Variants in FHIT observed in about 807,000 individuals in gnomAD.
The protein encoded by FHIT is fragile histidine triad diadenosine triphosphatase.
FHIT carries 19 observed loss-of-function variants against 17.9 expected under a neutral mutation model. The ratio of observed to expected loss-of-function variants is 1.06; its 90% confidence interval spans 0.74 to 1.56. FHIT has a LOEUF of 1.56. FHIT is among the 40% of genes most tolerant of loss of function. FHIT has a pLI of 0.00. For synonymous variants in FHIT, 81 were observed against 69.7 expected, an observed-to-expected ratio of 1.16 and a Z score of -0.81; for missense variants, 248 against 189.2, an observed-to-expected ratio of 1.31 and a Z score of -1.82.
At chr3:60,606,831 T>C (rs1331770091) in intron 4 of FHIT, among the ~76,000 whole-genome samples, 1 of 152,190 alleles carries the variant, frequency 6.6e-6, no homozygotes, top group Non-Finnish European at 1.5e-5. Context: ...TTCCTGTTTC[T>C]AAGCCTAGTC....
chr3:60,411,637 G>T (rs1268302338), intron 5 of FHIT, among the ~76,000 whole-genome samples: 1 of 152,082 alleles, frequency 6.6e-6, no homozygotes, highest in African/African-American at 2.4e-5. Flanking sequence ...GAGGATGTTG[G>T]TCTATTTTGT....
intron 7 of FHIT, among the ~76,000 whole-genome samples, chr3:59,943,601 G>A (rs931447055): frequency 6.6e-6 from 1 of 152,016 alleles, no homozygotes; most frequent in Non-Finnish European, 1.5e-5. Flanking sequence ...TCTGTAAAAG[G>A]CACCAATATT....
chr3:59,980,903 A>G (rs1378824223), intron 7 of FHIT, among the ~76,000 whole-genome samples: 1 of 152,184 alleles, frequency 6.6e-6, no homozygotes, highest in African/African-American at 2.4e-5. Context: ...ATAATTTACA[A>G]TGTGTCCTAA....
chr3:60,935,298 A>T (rs1708140379), intron 3 of FHIT, among the ~76,000 whole-genome samples: 1 of 152,214 alleles, frequency 6.6e-6, no homozygotes, highest in Non-Finnish European at 1.5e-5. Context: ...ATTCCCTAGC[A>T]CTGTGATAAC....
At chr3:61,208,973 T>C (rs2039354273) in intron 1 of FHIT, among the ~76,000 whole-genome samples, 1 of 152,036 alleles carries the variant, frequency 6.6e-6, no homozygotes, top group Admixed American at 6.6e-5. Context: ...CCTTTCCATG[T>C]TTAGTGCTTC....
chr3:60,987,735 A>C (rs1406848379), intron 3 of FHIT, among the ~76,000 whole-genome samples: 1 of 152,194 alleles, frequency 6.6e-6, no homozygotes, highest in East Asian at 1.9e-4. Flanking sequence ...GAGCCAAATC[A>C]GTAAGTCCCC....
At chr3:60,569,753 ATAT>A (rs1355151301) in intron 4 of FHIT, among the ~76,000 whole-genome samples, 1 of 57,246 alleles carries the variant, frequency 1.7e-5, no homozygotes, top group African/African-American at 7.0e-5. Flanking sequence ...ATATATATAT[ATAT>A]TTTTTTTTTT....
chr3:60,749,426 G>C (rs151233151), intron 4 of FHIT, among the ~76,000 whole-genome samples: 246 of 152,238 alleles, frequency 1.6e-3, no homozygotes, highest in African/African-American at 5.7e-3. Flanking sequence ...CAACTCTCCA[G>C]CTCCAAAGGC....
intron 8 of FHIT, among the ~76,000 whole-genome samples, chr3:59,830,744 C>T (rs1185112023): frequency 2.0e-5 from 3 of 152,292 alleles, no homozygotes; most frequent in African/African-American, 7.2e-5. Flanking sequence ...GACCCATGAG[C>T]AGGGCCTTTT....
chr3:60,066,187 G>A (rs1702495241), intron 5 of FHIT, among the ~76,000 whole-genome samples: 1 of 151,964 alleles, frequency 6.6e-6, no homozygotes, highest in African/African-American at 2.4e-5. Context: ...GAAATCCCCA[G>A]GTTGTGAGAG....
At chr3:60,878,441 C>T (rs1184768590) in intron 3 of FHIT, among the ~76,000 whole-genome samples, 1 of 152,000 alleles carries the variant, frequency 6.6e-6, no homozygotes. Flanking sequence ...CCCCAAAAGC[C>T]CTGCCACTGA....
At chr3:60,333,130 T>C (rs113030134) in intron 5 of FHIT, among the ~76,000 whole-genome samples, 152 of 152,340 alleles carry the variant, frequency 1.0e-3, no homozygotes, top group Non-Finnish European at 1.5e-3. Context: ...ACTTATAACA[T>C]TGGCTGAATT....
intron 7 of FHIT, among the ~76,000 whole-genome samples, chr3:59,994,143 T>C (rs540599398): frequency 3.0e-4 from 45 of 152,154 alleles, no homozygotes; most frequent in Admixed American, 1.5e-3. Context: ...AACACTGGCA[T>C]TGTGGGTTAC....
chr3:61,110,156 G>A lies in FHIT; in HGVS notation c.-163-68057C>T, dbSNP rs554174474. ...TCTCACCCAGAGTAAAGTCCCACAA[G>A]GTCCCTCACGCTCTTGTTCCCAACT... On this transcript the variant is annotated intron_variant, in intron 2 of 9. Coordinates refer to ENST00000492590, the MANE Select transcript of FHIT (RefSeq NM_002012.4). 2.0e-5 allele frequency among the ~76,000 whole-genome samples: 3 copies of A among 152,192 alleles called. No individual in the cohort carries two copies. In the East Asian group the frequency reaches 5.8e-4, roughly 29 times the overall value.
chr3:60,851,180 T>G (rs1553748174), intron 3 of FHIT, among the ~76,000 whole-genome samples: 2 of 152,146 alleles, frequency 1.3e-5, no homozygotes, highest in Non-Finnish European at 2.9e-5. Flanking sequence ...AGTGGCATCT[T>G]AAATTGAAGA....
intron 3 of FHIT, among the ~76,000 whole-genome samples, chr3:60,897,385 C>T (rs1380359097): frequency 6.6e-6 from 1 of 152,076 alleles, no homozygotes; most frequent in African/African-American, 2.4e-5. Flanking sequence ...GCAATATTAG[C>T]ATTTTATCAG....
chr3:60,936,893 C>T (rs1389606263), intron 3 of FHIT, among the ~76,000 whole-genome samples: 1 of 152,142 alleles, frequency 6.6e-6, no homozygotes, highest in African/African-American at 2.4e-5. Flanking sequence ...CATTCTACTA[C>T]TTTATGGTTC....
rs562157520 is a variant in FHIT, at chr3:61,247,547, C to T, written c.-213+3754G>A. Among the ~76,000 whole-genome samples, 5 of 152,278 alleles carry T rather than the reference C, an allele frequency of 3.3e-5. No individual in the cohort carries two copies. In the East Asian group the frequency reaches 9.7e-4, roughly 29 times the overall value. ...ATCAGGGGCCTCTCAGCAGGCAGTACCGAGCCAAAAGCTTCACTGTCTCTC... is the reference window on the plus strand; with the variant it reads ...ATCAGGGGCCTCTCAGCAGGCAGTATCGAGCCAAAAGCTTCACTGTCTCTC... On this transcript the variant is annotated intron_variant, in intron 1 of 9. Coordinates refer to ENST00000492590, the MANE Select transcript of FHIT (RefSeq NM_002012.4).
At chr3:60,361,301 T>A (rs1699896345) in intron 5 of FHIT, among the ~76,000 whole-genome samples, 1 of 152,178 alleles carries the variant, frequency 6.6e-6, no homozygotes, top group Non-Finnish European at 1.5e-5. Flanking sequence ...AGATCAGAGA[T>A]GGTGCTGTAT....
Sources: allele counts gnomAD v4.1 joint callset (sites outside exome capture counted in the v4.1 genomes callset), GRCh38; gene constraint gnomAD v4.1.1; transcripts MANE v1.5; gene names NCBI Gene and HGNC (gene_info 2026-07-23, HGNC 2026-07-21).